The following CDC42BPA variants were observed in gnomAD, a reference collection of about 807,000 sequenced individuals.
CDC42BPA encodes CDC42 binding protein kinase alpha.
In CDC42BPA, 80 loss-of-function variants were observed where a neutral mutation model predicts 223.5. The observed-to-expected ratio is 0.36, with a 90% CI of 0.30 to 0.43. The LOEUF is 0.43. Ranked by LOEUF, CDC42BPA falls within the 20% of genes least tolerant of loss-of-function variation. The pLI is 1.00. For missense variants in CDC42BPA, 1,743 were observed against 2,099.9 expected (o/e 0.83, Z 3.32); for synonymous variants, 694 against 718.6 (o/e 0.97, Z 0.55).
chr1:227,165,087 A>G (rs1664795854), intron 5 of CDC42BPA, among the ~76,000 whole-genome samples: 1 of 152,210 alleles, frequency 6.6e-6, no homozygotes, highest in African/African-American at 2.4e-5. Context: ...TATGCACTAT[A>G]GGAGTACATA....
chr1:227,233,937 TTAAA>T (rs1451448888), intron 2 of CDC42BPA, among the ~76,000 whole-genome samples: 1 of 152,150 alleles, frequency 6.6e-6, no homozygotes, highest in Admixed American at 6.5e-5. Context: ...TGTCTCAATT[TTAAA>T]TAAATAAATA....
intron 17 of CDC42BPA, among the ~76,000 whole-genome samples, chr1:227,078,537 G>A (rs1679962516): frequency 1.3e-5 from 2 of 152,006 alleles, no homozygotes; most frequent in Non-Finnish European, 1.5e-5. Context: ...AAGAGAAAAC[G>A]TGAAGTCCTC....
intron 10 of CDC42BPA, among the ~76,000 whole-genome samples, chr1:227,129,702 CAT>C (rs1196658904): frequency 4.2e-5 from 3 of 70,908 alleles, no homozygotes; most frequent in African/African-American, 5.6e-5. Flanking sequence ...AAATCCACTG[CAT>C]ATATATATAT....
At chr1:227,253,152 A>G (rs1682323999) in intron 2 of CDC42BPA, among the ~76,000 whole-genome samples, 1 of 152,150 alleles carries the variant, frequency 6.6e-6, no homozygotes, top group African/African-American at 2.4e-5. Flanking sequence ...TCCAGTTTCA[A>G]TACAAACTTT....
At position 227,029,047 on chromosome 1, in the gene CDC42BPA, C is replaced by T. The variant is rs375342151; in HGVS notation, c.4042G>A (p.Ala1348Thr). The T allele has an allele frequency of 1.9e-6, 3 of 1,613,966 alleles. No individual in the cohort carries two copies. The highest frequency in any genetic ancestry group is 1.3e-5 in the African/African-American group (1 of 74,922). The change falls in exon 30 of 37, where the codon GCT (alanine) becomes ACT (threonine). Residue 1348 changes from alanine to threonine, a missense_variant. Transcript: ENST00000366766. The stretch of plus-strand genomic sequence containing the variant: ...ATAGCCACACACAGGCATGTGAGAG[C>T]TCCATGGCGCACCTTTCCAGAAGTT... ...TVTSGKVRHGALTCLCVAMKR... is the reference protein window; with the variant it reads ...TVTSGKVRHGTLTCLCVAMKR...
At chr1:227,292,968 C>T (rs996160082) in intron 1 of CDC42BPA, among the ~76,000 whole-genome samples, 7 of 152,108 alleles carry the variant, frequency 4.6e-5, no homozygotes, top group Admixed American at 2.6e-4. Context: ...CTATATTCCC[C>T]CCAAATCTCT....
At chr1:227,261,118 G>GTTTTTTTTTTTTT (rs1351313489) in intron 1 of CDC42BPA, among the ~76,000 whole-genome samples, 4 of 51,142 alleles carry the variant, frequency 7.8e-5, no homozygotes, top group Non-Finnish European at 1.3e-4. Flanking sequence ...GAATAATTGA[G>GTTTTTTTTTTTTT]TTTTTCTTTT....
chr1:227,290,480 C>T (rs1689513131), intron 1 of CDC42BPA, among the ~76,000 whole-genome samples: 1 of 152,098 alleles, frequency 6.6e-6, no homozygotes, highest in Non-Finnish European at 1.5e-5. Context: ...TAAATCTTCT[C>T]TTAATGACAC....
chr1:227,222,568 C>G (rs1043192388), intron 2 of CDC42BPA, among the ~76,000 whole-genome samples: 1 of 152,162 alleles, frequency 6.6e-6, no homozygotes, highest in African/African-American at 2.4e-5. Flanking sequence ...ATCACACCCC[C>G]GTTCCAGAGA....
chr1:227,265,487 G>A (rs555220806), intron 1 of CDC42BPA, among the ~76,000 whole-genome samples: 4 of 152,178 alleles, frequency 2.6e-5, no homozygotes, highest in African/African-American at 2.4e-5. Flanking sequence ...CAAGGCGGGC[G>A]GAATTGTGGC....
At chr1:227,144,505 G>A (rs979232743) in intron 8 of CDC42BPA, among the ~76,000 whole-genome samples, 9 of 140,610 alleles carry the variant, frequency 6.4e-5, no homozygotes, top group African/African-American at 2.4e-4. Context: ...AACCCGGAAG[G>A]CGGAGCTTGC....
intron 21 of CDC42BPA, among the ~76,000 whole-genome samples, chr1:227,058,869 C>T (rs1385254501): frequency 7.8e-6 from 1 of 127,396 alleles, no homozygotes; most frequent in Non-Finnish European, 1.7e-5. Context: ...TTCCTCTGAA[C>T]TACATTAAAA....
intron 34 of CDC42BPA, among the ~76,000 whole-genome samples, chr1:227,008,464 A>G (rs1664531094): frequency 3.9e-5 from 6 of 152,222 alleles, no homozygotes; most frequent in Admixed American, 3.9e-4. Flanking sequence ...CAATAAAGAA[A>G]TGTACTAATG....
chr1:227,060,526 A>G (rs1675665481), intron 21 of CDC42BPA, among the ~76,000 whole-genome samples: 1 of 152,118 alleles, frequency 6.6e-6, no homozygotes, highest in Non-Finnish European at 1.5e-5. Context: ...TGAGATATGT[A>G]CAAGGTTTGT....
intron 17 of CDC42BPA, among the ~76,000 whole-genome samples, chr1:227,075,065 G>A (rs1211348219): frequency 6.6e-6 from 1 of 152,152 alleles, no homozygotes; most frequent in Non-Finnish European, 1.5e-5. Flanking sequence ...AGAAGGTGAG[G>A]GGAGGAGTCC....
intron 35 of CDC42BPA, among the ~76,000 whole-genome samples, chr1:226,998,164 A>C (rs1662021018): frequency 1.3e-5 from 2 of 152,232 alleles, no homozygotes; most frequent in South Asian, 4.1e-4. Context: ...CAAATGGAAA[A>C]ACATTCCATG....
At position 227,236,156 on chromosome 1, in the gene CDC42BPA, G is replaced by A. The variant is rs1678977675; in HGVS notation, c.270+17908C>T. 2.0e-5 allele frequency among the ~76,000 whole-genome samples: 3 copies of A among 152,190 alleles called. No homozygotes were observed. The South Asian group carries it at 6.2e-4, about 32-fold the overall frequency. Reference sequence around the variant, plus strand: ...TAGAGCTGCAACTCTGCTAGTTGCAGACTATATATCCCAACAGACTAGCCT... The same window carrying A: ...TAGAGCTGCAACTCTGCTAGTTGCAAACTATATATCCCAACAGACTAGCCT... On this transcript the variant is annotated intron_variant, in intron 2 of 36. Transcript: ENST00000366766.
chr1:227,077,538 C>T (rs1679753009), intron 17 of CDC42BPA, among the ~76,000 whole-genome samples: 1 of 152,094 alleles, frequency 6.6e-6, no homozygotes, highest in Non-Finnish European at 1.5e-5. Flanking sequence ...TAATATAGCC[C>T]TTACCATCCT....
intron 3 of CDC42BPA, 118 bp from the exon 4 acceptor site, chr1:227,199,770 T>C (rs1416890038): frequency 1.8e-5 from 9 of 507,606 alleles, no homozygotes; most frequent in Non-Finnish European, 2.7e-5. Flanking sequence ...CCTGATATTA[T>C]AAGACATTTC....
Sources: gnomAD v4.1 joint callset for allele counts (sites outside exome capture counted in the v4.1 genomes callset) on GRCh38, gnomAD v4.1.1 for gene constraint, MANE v1.5 for transcripts, NCBI Gene and HGNC (gene_info 2026-07-23, HGNC 2026-07-21) for gene names.